ATP10B: variants seen among roughly 807,000 people sequenced by gnomAD.
The protein encoded by ATP10B is ATPase phospholipid transporting 10B (putative), also known as phospholipid-transporting ATPase VB.
A neutral mutation model predicts 141.2 loss-of-function variants in ATP10B; 122 were observed. The ratio of observed to expected loss-of-function variants is 0.86; its 90% confidence interval spans 0.75 to 1.00. The LOEUF (loss-of-function observed/expected upper bound fraction) is 1.00. Among genes scored for constraint, ATP10B ranks in the 50% least tolerant of loss-of-function variants. The pLI, the probability that ATP10B is intolerant of heterozygous loss-of-function variation, is 0.00. For missense variants in ATP10B, 1,876 were observed against 1,825.3 expected, an observed-to-expected ratio of 1.03 and a Z score of -0.51; for synonymous variants, 685 against 692.0, an observed-to-expected ratio of 0.99 and a Z score of 0.16.
chr5:160,860,155 T>G, the ATP10B span, among the ~76,000 whole-genome samples: 1 of 151,904 alleles, frequency 6.6e-6, no homozygotes, highest in East Asian at 1.9e-4. Context: ...TTTTGTACAC[T>G]TAAGGATAAT....
intron 22 of ATP10B, among the ~76,000 whole-genome samples, chr5:160,594,278 C>G (rs1367105327): frequency 6.6e-6 from 1 of 152,126 alleles, no homozygotes; most frequent in Non-Finnish European, 1.5e-5. Flanking sequence ...ATTTCATATC[C>G]AGCCAAACTA....
rs1554122996 is a variant in ATP10B, at chr5:160,830,991, A to AGACT, written c.-576+20949_-576+20950insAGTC. On this transcript the variant is annotated intron_variant, in intron 1 of 25. Transcript: ENST00000327245. ...CACAAACACACACACACACACACAC[A>AGACT]CACACACAGAGTGGACAGAATAGTG... Among the ~76,000 whole-genome samples the AGACT allele has an allele frequency of 2.0e-5, 3 of 150,788 alleles. No individual in the cohort carries two copies. In the East Asian group the frequency reaches 5.9e-4, roughly 29 times the overall value.
intron 3 of ATP10B, among the ~76,000 whole-genome samples, chr5:160,711,555 CA>C: frequency 1.6e-4 from 1 of 6,412 alleles, no homozygotes; most frequent in South Asian, 0.013. Context: ...ATGTCGTCTG[CA>C]AACAGGGACA....
intron 1 of ATP10B, among the ~76,000 whole-genome samples, chr5:160,843,026 G>A (rs1304466539): frequency 4.6e-5 from 7 of 152,012 alleles, no homozygotes; most frequent in East Asian, 1.9e-4. Flanking sequence ...TATATTATAG[G>A]TCAATCTTTT....
At chr5:160,718,199 C>G (rs563118620) in intron 2 of ATP10B, among the ~76,000 whole-genome samples, 3 of 152,268 alleles carry the variant, frequency 2.0e-5, no homozygotes, top group East Asian at 1.9e-4. Context: ...ACTGACGTCC[C>G]TAGTGCCATT....
chr5:160,777,672 G>A (rs1041060104), intron 2 of ATP10B, among the ~76,000 whole-genome samples: 2 of 152,198 alleles, frequency 1.3e-5, no homozygotes, highest in African/African-American at 4.8e-5. Flanking sequence ...CAGTGACTAT[G>A]TGGTTTTTAT....
At chr5:160,816,729 T>C (rs892281780) in intron 1 of ATP10B, among the ~76,000 whole-genome samples, 1 of 152,136 alleles carries the variant, frequency 6.6e-6, no homozygotes, top group African/African-American at 2.4e-5. Context: ...ACATCCCTGA[T>C]AAACATCGAT....
chr5:160,920,404 T>G, the ATP10B span, among the ~76,000 whole-genome samples: 15 of 152,212 alleles, frequency 9.9e-5, no homozygotes, highest in Admixed American at 3.9e-4. Flanking sequence ...AGAGCATCTT[T>G]CCCACCAAGC....
At chr5:160,886,512 C>A in the ATP10B span, among the ~76,000 whole-genome samples, 1,913 of 152,226 alleles carry the variant, frequency 0.013, 38 homozygotes, top group African/African-American at 0.044. Flanking sequence ...TAAAGCCCAT[C>A]TGGGCACAGA....
intron 7 of ATP10B, among the ~76,000 whole-genome samples, chr5:160,661,547 G>A (rs1222433290): frequency 1.3e-5 from 2 of 152,140 alleles, no homozygotes; most frequent in African/African-American, 4.8e-5. Context: ...AGAGTAGAGG[G>A]TGGGGAGACA....
rs139756899 is a variant in ATP10B at position 160,692,312 on chromosome 5, T to C, written c.-204-3369A>G. ...CCTCCCCCAATATTATTCATTATAATGATAAAAAGAATCACTTTTTAGTGG... is the reference window on the plus strand; with the variant it reads ...CCTCCCCCAATATTATTCATTATAACGATAAAAAGAATCACTTTTTAGTGG... On this transcript the variant is annotated intron_variant, in intron 3 of 25. Transcript: ENST00000327245. 2.6e-5 allele frequency among the ~76,000 whole-genome samples: 4 copies of C among 152,344 alleles called. No homozygotes were observed. In the East Asian group the frequency reaches 7.7e-4, roughly 29 times the overall value.
At chr5:160,800,303 A>G (rs979586564) in intron 1 of ATP10B, among the ~76,000 whole-genome samples, 3 of 152,240 alleles carry the variant, frequency 2.0e-5, no homozygotes, top group African/African-American at 7.2e-5. Context: ...TAAAATGGAA[A>G]TAATAAAAAT....
intron 2 of ATP10B, among the ~76,000 whole-genome samples, chr5:160,742,674 G>C (rs573931025): frequency 1.3e-4 from 20 of 152,286 alleles, no homozygotes; most frequent in Non-Finnish European, 2.6e-4. Context: ...TCTGGAAAAG[G>C]AAAGCTGAAT....
At chr5:160,638,523 C>A (rs1363742272) in intron 10 of ATP10B, among the ~76,000 whole-genome samples, 1 of 152,028 alleles carries the variant, frequency 6.6e-6, no homozygotes, top group Non-Finnish European at 1.5e-5. Context: ...GCTTCCCCTC[C>A]CCCAGGTGCT....
intron 18 of ATP10B, among the ~76,000 whole-genome samples, chr5:160,609,291 T>A (rs1017446524): frequency 6.6e-6 from 1 of 152,078 alleles, no homozygotes; most frequent in Non-Finnish European, 1.5e-5. Flanking sequence ...TGGAAAAAAC[T>A]GTGAAAGCAG....
At chr5:160,870,990 AAAATAC>A in the ATP10B span, among the ~76,000 whole-genome samples, 1 of 152,212 alleles carries the variant, frequency 6.6e-6, no homozygotes, top group African/African-American at 2.4e-5. Flanking sequence ...TTATTCTTCA[AAAATAC>A]AGGAGAAATA....
intron 8 of ATP10B, 82 bp from the exon 9 acceptor site, chr5:160,644,326 G>T: frequency 1.1e-6 from 1 of 944,776 alleles, no homozygotes; most frequent in Non-Finnish European, 1.7e-6. Context: ...AACTAGAAGT[G>T]GTGAGTGAAC....
chr5:160,807,519 T>A (rs1331510320), intron 1 of ATP10B, among the ~76,000 whole-genome samples: 8 of 152,144 alleles, frequency 5.3e-5, no homozygotes, highest in Admixed American at 1.3e-4. Flanking sequence ...ATACTTTTTT[T>A]AAGCACATGT....
chr5:160,565,822 T>TG lies in ATP10B; in HGVS notation c.4016dup (p.Asp1340ArgfsTer47). 1 of 1,614,034 alleles carries TG rather than the reference T, an allele frequency of 6.2e-7. No individual in the cohort carries two copies. Among genetic ancestry groups the TG allele is most frequent in the Non-Finnish European group, 8.5e-7 (1 of 1,179,952 alleles). On this transcript the variant is annotated frameshift_variant, in exon 26 of 26. Transcript: ENST00000327245. LOFTEE classifies it low-confidence loss of function (END_TRUNC). ...TCTGGATTTCCAGGTTTCTTTTGTCTGGGGGGAGTTTGTCAATTTTCTGAG... is the reference window on the plus strand; with the variant it reads ...TCTGGATTTCCAGGTTTCTTTTGTCTGGGGGGGAGTTTGTCAATTTTCTGAG...
Sources: allele counts gnomAD v4.1 joint callset (sites outside exome capture counted in the v4.1 genomes callset), GRCh38; gene constraint gnomAD v4.1.1; transcripts MANE v1.5; gene names NCBI Gene and HGNC (gene_info 2026-07-23, HGNC 2026-07-21).